The following ACER1 variants were observed in gnomAD, a reference collection of about 807,000 sequenced individuals.
ACER1 encodes the protein alkaline ceramidase 1.
In ACER1, 28 loss-of-function variants were observed where a neutral mutation model predicts 24.9. That is an observed-to-expected ratio of 1.13 (90% CI 0.83 to 1.54). The LOEUF is 1.54. ACER1 is among the 40% of genes most tolerant of loss of function. The probability of loss-of-function intolerance (pLI) is 0.00; values close to 1 mark genes in which losing one functional copy is unlikely to be tolerated. For synonymous variants in ACER1, 132 were observed against 131.4 expected, an observed-to-expected ratio of 1.00 and a Z score of -0.03; for missense variants, 352 against 349.3, an observed-to-expected ratio of 1.01 and a Z score of -0.06.
At chr19:6,318,499 C>T (rs1192191536) in intron 1 of ACER1, among the ~76,000 whole-genome samples, 1 of 148,378 alleles carries the variant, frequency 6.7e-6, no homozygotes, top group Admixed American at 6.8e-5. Context: ...AAAAATAGGC[C>T]AGGCACAGTG....
At chr19:6,316,251 T>C (rs2091602637) in intron 1 of ACER1, among the ~76,000 whole-genome samples, 2 of 152,018 alleles carry the variant, frequency 1.3e-5, no homozygotes, top group African/African-American at 2.4e-5. Flanking sequence ...CTGGGCAACA[T>C]AGTGAGACCC....
chr19:6,346,511 T>C, the ACER1 span, among the ~76,000 whole-genome samples: 1 of 150,706 alleles, frequency 6.6e-6, no homozygotes, highest in Non-Finnish European at 1.5e-5. Context: ...TCTTCTTTTT[T>C]TTCTTTTCTT....
At chr19:6,307,003 G>A (rs1046265934) in intron 5 of ACER1, 121 bp from the exon 6 acceptor site, 104 of 1,486,760 alleles carry the variant, frequency 7.0e-5, no homozygotes, top group East Asian at 9.2e-5. Context: ...GTCTGGCCCC[G>A]TGACTGCAGC....
intron 1 of ACER1, among the ~76,000 whole-genome samples, chr19:6,324,505 C>T (rs2091648859): frequency 6.6e-6 from 1 of 151,340 alleles, no homozygotes; most frequent in Admixed American, 6.6e-5. Flanking sequence ...TGCCTGTAAT[C>T]CCAGCACTTT....
At chr19:6,354,718 G>A in the ACER1 span, among the ~76,000 whole-genome samples, 1 of 152,264 alleles carries the variant, frequency 6.6e-6, no homozygotes, top group African/African-American at 2.4e-5. Flanking sequence ...TCAGGAATTT[G>A]AGACCAGCCT....
At chr19:6,358,123 C>A in the ACER1 span, among the ~76,000 whole-genome samples, 2 of 152,244 alleles carry the variant, frequency 1.3e-5, no homozygotes, top group South Asian at 4.1e-4. Flanking sequence ...CCTGGGGCAA[C>A]CGGCCGGGCA....
the ACER1 span, among the ~76,000 whole-genome samples, chr19:6,344,482 C>T: frequency 6.6e-6 from 1 of 151,774 alleles, no homozygotes; most frequent in South Asian, 2.1e-4. Context: ...AATAAAGACT[C>T]GTTAAGTAAA....
chr19:6,324,913 A>AG (rs2091653536), intron 1 of ACER1, among the ~76,000 whole-genome samples: 1 of 128,242 alleles, frequency 7.8e-6, no homozygotes, highest in African/African-American at 2.8e-5. Flanking sequence ...GGAAGGAAGG[A>AG]GGAAGGAAGG....
chr19:6,358,124 C>A, the ACER1 span, among the ~76,000 whole-genome samples: 1 of 152,130 alleles, frequency 6.6e-6, no homozygotes, highest in Non-Finnish European at 1.5e-5. Flanking sequence ...CTGGGGCAAC[C>A]GGCCGGGCAG....
At chr19:6,318,694 A>T (rs6510891) in intron 1 of ACER1, among the ~76,000 whole-genome samples, 1 of 7,214 alleles carries the variant, frequency 1.4e-4, no homozygotes, top group Admixed American at 1.4e-3. Flanking sequence ...GCTGAGGCAG[A>T]AGAATGGCGT....
intron 1 of ACER1, among the ~76,000 whole-genome samples, chr19:6,323,482 C>T (rs147313038): frequency 2.7e-3 from 411 of 152,158 alleles, no homozygotes; most frequent in African/African-American, 9.3e-3. Flanking sequence ...TTTCTCTTTG[C>T]CTGCTGCCAT....
At chr19:6,311,168 G>A (rs991562587) in intron 3 of ACER1, among the ~76,000 whole-genome samples, 7 of 150,262 alleles carry the variant, frequency 4.7e-5, no homozygotes, top group East Asian at 4.0e-4. Context: ...TGGCTCTCCA[G>A]GACCCAGTAG....
intron 4 of ACER1, among the ~76,000 whole-genome samples, chr19:6,308,050 G>A (rs569352362): frequency 1.3e-5 from 2 of 149,964 alleles, no homozygotes; most frequent in African/African-American, 4.9e-5. Context: ...GCCACTGCAC[G>A]CCAGCCTGGG....
intron 1 of ACER1, among the ~76,000 whole-genome samples, chr19:6,317,856 G>A (rs1033767216): frequency 6.6e-6 from 1 of 151,988 alleles, no homozygotes; most frequent in Non-Finnish European, 1.5e-5. Flanking sequence ...CCGGGTTCAA[G>A]CAATTCTCCT....
At chr19:6,309,593 G>A in intron 4 of ACER1, 104 bp downstream of exon 4, 1 of 1,445,798 alleles carries the variant, frequency 6.9e-7, no homozygotes, top group Non-Finnish European at 9.5e-7. Flanking sequence ...CTACTTGTTA[G>A]TGGGTGATCT....
intron 1 of ACER1, among the ~76,000 whole-genome samples, chr19:6,324,857 G>C (rs979976494): frequency 1.2e-5 from 1 of 86,768 alleles, no homozygotes; most frequent in Non-Finnish European, 2.5e-5. Context: ...AAGAGAGAGA[G>C]AGAAAGGAAG....
At chr19:6,339,463 A>AG in the ACER1 span, among the ~76,000 whole-genome samples, 1 of 150,642 alleles carries the variant, frequency 6.6e-6, no homozygotes. Context: ...GGGGCTGGGG[A>AG]GGGGGATAGG....
chr19:6,312,366 C>A lies in ACER1; in HGVS notation c.208+19G>T. Reference sequence around the variant, plus strand: ...CCACTGCCTCCCGACTGTCACAGACCTGAACCACACCTCCCTACCTATGAT... The same window carrying A: ...CCACTGCCTCCCGACTGTCACAGACATGAACCACACCTCCCTACCTATGAT... On this transcript the variant is annotated intron_variant, in intron 2 of 5. Coordinates refer to ENST00000301452, the MANE Select transcript of ACER1 (RefSeq NM_133492.3). 6.2e-7 allele frequency: 1 copy of A among 1,613,700 alleles called. No homozygotes were observed. The highest frequency in any genetic ancestry group is 1.1e-5 in the South Asian group (1 of 91,044).
chr19:6,341,324 C>A, the ACER1 span, among the ~76,000 whole-genome samples: 2 of 150,166 alleles, frequency 1.3e-5, no homozygotes, highest in South Asian at 2.1e-4. Context: ...AAAACAACAA[C>A]AAAAAACCAG....
Sources: allele counts gnomAD v4.1 joint callset (sites outside exome capture counted in the v4.1 genomes callset), GRCh38; gene constraint gnomAD v4.1.1; transcripts MANE v1.5; gene names NCBI Gene and HGNC (gene_info 2026-07-23, HGNC 2026-07-21).